Variants in MGAM2 observed in about 807,000 individuals in gnomAD.
MGAM2 encodes the protein probable maltase-glucoamylase 2.
A neutral mutation model predicts 96.1 loss-of-function variants in MGAM2; 98 were observed. The observed-to-expected ratio is 1.02, with a 90% confidence interval of 0.87 to 1.21. The LOEUF (loss-of-function observed/expected upper bound fraction) is 1.21, where lower values mean the gene tolerates loss of function less well. Among genes scored for constraint, MGAM2 ranks in the 50% most tolerant of loss-of-function variants. MGAM2 has a pLI of 0.00. For missense variants in MGAM2, 2,055 were observed against 1,182.4 expected (o/e 1.74, Z -10.82); for synonymous variants, 749 against 414.8 (o/e 1.81, Z -9.79).
At chr7:142,175,603 C>A in intron 31 of MGAM2, 49 bp from the exon 32 acceptor site, 1 of 697,322 alleles carries the variant, frequency 1.4e-6, no homozygotes. Context: ...ATGTGCCCTG[C>A]AGGGCACCTA....
chr7:142,130,889 A>T, intron 3 of MGAM2, 59 bp from the exon 4 acceptor site: 1 of 674,454 alleles, frequency 1.5e-6, no homozygotes, highest in South Asian at 1.5e-5. Context: ...AAATAAATAG[A>T]CAGATAATAC....
chr7:142,185,148 G>A lies in MGAM2; in HGVS notation c.3987+9G>A. ...ATGAAACTCAGGTTAAGGTACAGTT[G>A]TATATAGATTTTTGTCAACATTGCC... On this transcript the variant is annotated intron_variant, in intron 34 of 47. Coordinates refer to ENST00000477922, the MANE Select transcript of MGAM2 (RefSeq NM_001293626.2). The A allele has an allele frequency of 1.4e-6, 1 of 702,406 alleles. No individual in the cohort carries two copies. The highest frequency in any genetic ancestry group is 1.5e-5 in the South Asian group (1 of 67,406). The allele number at this position is 702,406 out of a possible 1,614,324, so 43.5% of individuals were successfully genotyped here.
At position 142,189,386 on chromosome 7, in the gene MGAM2, G is replaced by A; in HGVS notation, c.4227G>A (p.Lys1409=). The A allele has an allele frequency of 1.4e-6, 1 of 708,226 alleles. No individual in the cohort carries two copies. The allele number at this position is 708,226 out of a possible 1,614,324, so 43.9% of individuals were successfully genotyped here. A position where few individuals can be genotyped will look rare whatever the true frequency, so the allele number is the denominator to read the frequency against. The change falls in exon 37 of 48, where the codon AAG becomes AAA. Residue 1409 remains lysine, a synonymous_variant. Coordinates refer to ENST00000477922, the MANE Select transcript of MGAM2 (RefSeq NM_001293626.2). The part of the protein sequence containing the change: ...PYMPYLESRD[K]GLSSKTLCME... The stretch of plus-strand genomic sequence containing the variant: ...CCTCAGATTTGGAATCTAGGGACAA[G>A]GGCCTGAGCAGCAAGACTCTGTGCA...
In MGAM2 at chr7:142,222,262, G is replaced by C. The variant is rs1265110039; in HGVS notation, c.*203G>C. ...TTAGGAAGGTTTACAAACCTTATAG[G>C]TTTCACCAAAGAAGCTGTGGGTACT... On this transcript the variant is annotated 3_prime_UTR_variant, in exon 48 of 48. Coordinates refer to ENST00000477922, the MANE Select transcript of MGAM2 (RefSeq NM_001293626.2). 5.2e-6 allele frequency: 2 copies of C among 383,780 alleles called. No homozygotes were observed. The highest frequency in any genetic ancestry group is 9.2e-6 in the Non-Finnish European group (2 of 216,538). 23.8% of individuals were successfully genotyped at this position (383,780 alleles called of 1,614,324 possible). A position where few individuals can be genotyped will look rare whatever the true frequency, so the allele number is the denominator to read the frequency against.
chr7:142,154,300 T>C, intron 16 of MGAM2, 111 bp downstream of exon 16: 1 of 482,220 alleles, frequency 2.1e-6, no homozygotes. Context: ...CAAGGTGATA[T>C]GTATTGGAAA....
At chr7:142,149,836 C>T (rs1225386369) in intron 15 of MGAM2, among the ~76,000 whole-genome samples, 4 of 151,854 alleles carry the variant, frequency 2.6e-5, no homozygotes, top group African/African-American at 9.7e-5. Context: ...CCACCGCGCC[C>T]GGCCTTACTT....
rs1554499579 is a variant in MGAM2, at chr7:142,114,199, A to AAAG, written c.-1+2395_-1+2397dup. Among the ~76,000 whole-genome samples, 8 of 101,056 alleles carry AAAG rather than the reference A, an allele frequency of 7.9e-5. No individual in the cohort carries two copies. The East Asian group carries it at 1.7e-3, about 22-fold the overall frequency. The allele number at this position is 101,056 out of a possible 152,430, so 66.3% of individuals were successfully genotyped here. ...GAAAGAAAGAAAGAAAGAAAGAAAG[A>AAAG]AAGAAAGAAAGAAAGAGAGAAAGAA... On this transcript the variant is annotated intron_variant, in intron 1 of 47. Transcript: ENST00000477922.
intron 33 of MGAM2, among the ~76,000 whole-genome samples, chr7:142,184,309 C>T (rs1796631719): frequency 6.6e-6 from 1 of 152,096 alleles, no homozygotes; most frequent in South Asian, 2.1e-4. Flanking sequence ...TCAACTTACC[C>T]AGATAATATC....
In MGAM2 at chr7:142,221,123, T is replaced by C. The variant is rs997829727; in HGVS notation, c.6612T>C (p.Ser2204=). The change falls in exon 48 of 48, where the codon TCT becomes TCC. Residue 2204 remains serine (S), a synonymous_variant. Coordinates refer to ENST00000477922, the MANE Select transcript of MGAM2 (RefSeq NM_001293626.2). ...ACAGTTTTTCCATTATGACCACTTCTTTCTCTGAAAGTACTAATGCTATGA... is the reference window on the plus strand; with the variant it reads ...ACAGTTTTTCCATTATGACCACTTCCTTCTCTGAAAGTACTAATGCTATGA... ...TSNSFSIMTT[S]FSESTNAMNT... 4 of 702,452 alleles carry C rather than the reference T, an allele frequency of 5.7e-6. No homozygotes were observed. The Admixed American group carries it at 6.0e-5, about 11-fold the overall frequency. 43.5% of individuals were successfully genotyped at this position (702,452 alleles called of 1,614,324 possible).
intron 37 of MGAM2, among the ~76,000 whole-genome samples, chr7:142,190,505 C>T (rs890763408): frequency 1.3e-5 from 2 of 151,900 alleles, no homozygotes; most frequent in South Asian, 4.2e-4. Context: ...AGCTCCTGAC[C>T]CCAGGTGATC....
chr7:142,121,259 C>T (rs1321765886), intron 3 of MGAM2, among the ~76,000 whole-genome samples: 2 of 152,076 alleles, frequency 1.3e-5, no homozygotes, highest in African/African-American at 4.8e-5. Flanking sequence ...CTCACTGCAA[C>T]CTCTGCCTCC....
At chr7:142,159,853 T>C (rs1788926118) in intron 20 of MGAM2, among the ~76,000 whole-genome samples, 1 of 152,184 alleles carries the variant, frequency 6.6e-6, no homozygotes, top group South Asian at 2.1e-4. Flanking sequence ...ACCTGGCTAT[T>C]GTGTAGCTAT....
chr7:142,137,390 T>C, intron 8 of MGAM2, 43 bp from the exon 9 acceptor site: 1 of 668,000 alleles, frequency 1.5e-6, no homozygotes, highest in Non-Finnish European at 2.7e-6. Flanking sequence ...AGAGTTTACT[T>C]CCAACCATAA....
At chr7:142,218,830 A>G (rs1439937805) in intron 47 of MGAM2, among the ~76,000 whole-genome samples, 1 of 152,218 alleles carries the variant, frequency 6.6e-6, no homozygotes, top group Non-Finnish European at 1.5e-5. Flanking sequence ...TTAGTCTTCC[A>G]CATTAGCAAA....
At chr7:142,198,491 A>G in intron 43 of MGAM2, 124 bp from the exon 44 acceptor site, 1 of 594,864 alleles carries the variant, frequency 1.7e-6, no homozygotes, top group East Asian at 2.8e-5. Flanking sequence ...TTTTCTCTTT[A>G]GGTTTGCAGT....
At chr7:142,168,394 C>G (rs1429122109) in intron 26 of MGAM2, among the ~76,000 whole-genome samples, 1 of 152,058 alleles carries the variant, frequency 6.6e-6, no homozygotes, top group East Asian at 1.9e-4. Context: ...ATCAGCCTCC[C>G]AAGTAACTGG....
At chr7:142,169,004 G>A (rs1796112515) in intron 26 of MGAM2, among the ~76,000 whole-genome samples, 1 of 152,108 alleles carries the variant, frequency 6.6e-6, no homozygotes, top group Admixed American at 6.5e-5. Flanking sequence ...GAATCACTGG[G>A]GCAGCTTGTG....
chr7:142,171,627 T>TCCACAACTGACAGAGGGAA (rs1417757870), intron 28 of MGAM2, among the ~76,000 whole-genome samples, 187 bp downstream of exon 28: 1 of 65,104 alleles, frequency 1.5e-5, no homozygotes, highest in African/African-American at 8.2e-5. Flanking sequence ...TATATATATA[T>TCCACAACTGACAGAGGGAA]ATATATATAT....
intron 9 of MGAM2, 96 bp downstream of exon 9, chr7:142,137,641 G>A (rs1795098480): frequency 6.3e-6 from 3 of 477,218 alleles, no homozygotes; most frequent in Non-Finnish European, 1.1e-5. Flanking sequence ...TTAGTAAACT[G>A]TATGGATTAT....
Sources: allele counts gnomAD v4.1 joint callset (sites outside exome capture counted in the v4.1 genomes callset), GRCh38; gene constraint gnomAD v4.1.1; transcripts MANE v1.5; gene names NCBI Gene and HGNC (gene_info 2026-07-23, HGNC 2026-07-21).